PAX1: variants seen among roughly 807,000 people sequenced by gnomAD.
The protein encoded by PAX1 is paired box protein Pax-1.
PAX1 carries 18 observed loss-of-function variants against 35.6 expected under a neutral mutation model. The ratio of observed to expected loss-of-function variants is 0.50; its 90% CI spans 0.35 to 0.75. PAX1 has a LOEUF of 0.75. PAX1 is among the 30% of genes least tolerant of loss of function. PAX1 has a pLI of 0.01. For missense variants in PAX1, 760 were observed against 661.5 expected (o/e 1.15, Z -1.63); for synonymous variants, 397 against 305.2 (o/e 1.30, Z -3.14).
chr20:21,708,530 C>A (rs1393966709), intron 2 of PAX1, 28 bp from the exon 3 acceptor site: 1 of 1,612,630 alleles, frequency 6.2e-7, no homozygotes, highest in Non-Finnish European at 8.5e-7. Flanking sequence ...TCGGAGGCAC[C>A]TTTTAATCCG....
intron 4 of PAX1, among the ~76,000 whole-genome samples, chr20:21,710,895 G>A (rs1401117407): frequency 6.6e-6 from 1 of 152,148 alleles, no homozygotes; most frequent in African/African-American, 2.4e-5. Flanking sequence ...TAAACTTTAA[G>A]TTTAATTTAA....
Position 21,708,707 on chromosome 20 carries a change from A to C in PAX1, c.1059+7A>C, listed in dbSNP as rs758360564. On this transcript the variant is annotated splice_region_variant and intron_variant, in intron 3 of 4. Coordinates refer to ENST00000613128, the MANE Select transcript of PAX1 (RefSeq NM_001257096.2). ...AGACATTAAATACACTCAGGTAACC[A>C]GGAGGCACGTGAGGCCGTGACCTTA... The C allele has an allele frequency of 1.9e-6, 3 of 1,613,338 alleles. No homozygotes were observed. Among genetic ancestry groups the C allele is most frequent in the Non-Finnish European group, 2.5e-6 (3 of 1,179,858 alleles).
Position 21,708,637 on chromosome 20 carries a change from C to T in PAX1, c.996C>T (p.Pro332=), listed in dbSNP as rs761988253. 14 of 1,613,494 alleles carry T rather than the reference C, an allele frequency of 8.7e-6. No individual in the cohort carries two copies. The African/African-American group carries it at 1.1e-4, about 12-fold the overall frequency. Residue 332 remains proline, a synonymous_variant, in exon 3 of 5, where the codon CCC becomes CCT. Transcript: ENST00000613128. ...DWAGVNRTAF[P]ATPAVNGLEK... ...CCGGCGTGAACCGCACGGCCTTCCCCGCCACCCCCGCAGTGAATGGGCTAG... is the reference window on the plus strand; with the variant it reads ...CCGGCGTGAACCGCACGGCCTTCCCTGCCACCCCCGCAGTGAATGGGCTAG...
At chr20:21,709,137 T>C (rs1262376870) in intron 3 of PAX1, 85 bp from the exon 4 acceptor site, 39 of 1,059,466 alleles carry the variant, frequency 3.7e-5, no homozygotes, top group Non-Finnish European at 5.2e-5. Context: ...GGAGCGATAA[T>C]GGACGAAAAC....
In PAX1 at chr20:21,706,844, C is replaced by T. The variant is rs760119600; in HGVS notation, c.693C>T (p.Pro231=). The change falls in exon 2 of 5, where the codon CCC becomes CCT. Residue 231 remains proline (P), a synonymous_variant. Coordinates refer to ENST00000613128, the MANE Select transcript of PAX1 (RefSeq NM_001257096.2). The surrounding 1 kb of genome is among the most constrained non-coding windows in gnomAD (Gnocchi z 5.3). ...ACAAGATCGGCAGCCTGGCGCAGCCCGGACCGTACGAGGCAAGTAAGCAGC... is the reference window on the plus strand; with the variant it reads ...ACAAGATCGGCAGCCTGGCGCAGCCTGGACCGTACGAGGCAAGTAAGCAGC... ...LRNKIGSLAQ[P]GPYEASKQPP... 4 of 1,613,260 alleles carry T rather than the reference C, an allele frequency of 2.5e-6. No homozygotes were observed. The highest frequency in any genetic ancestry group is 1.3e-5 in the African/African-American group (1 of 74,950).
intron 2 of PAX1, 173 bp from the exon 3 acceptor site, chr20:21,708,385 C>T: frequency 1.2e-6 from 1 of 806,832 alleles, no homozygotes; most frequent in East Asian, 2.4e-5. Flanking sequence ...TCCTCCGCCC[C>T]ACCCGGAGTG....
In PAX1 at chr20:21,706,928, C is replaced by G; in HGVS notation, c.777C>G (p.Pro259=). Residue 259 remains proline (P), a synonymous_variant, in exon 2 of 5, where the codon CCC becomes CCG. Coordinates refer to ENST00000613128, the MANE Select transcript of PAX1 (RefSeq NM_001257096.2). This position sits in a 1 kb window ranked among gnomAD's most constrained non-coding sequence, Gnocchi z 5.3. The stretch of plus-strand genomic sequence containing the variant: ...TCTACCAGTACCCCTACCCCAGTCC[C>G]GTGTCGCCCACGGGCGCCAAGATGG... ...NHIYQYPYPS[P]VSPTGAKMGS... The G allele has an allele frequency of 1.2e-6, 2 of 1,612,790 alleles. No individual in the cohort carries two copies. The highest frequency in any genetic ancestry group is 1.7e-6 in the Non-Finnish European group (2 of 1,179,632).
In PAX1 at chr20:21,706,310, T is replaced by C. The variant is rs765782766; in HGVS notation, c.287-128T>C. The C allele has an allele frequency of 4.6e-6, 6 of 1,291,508 alleles. No individual in the cohort carries two copies. The highest frequency in any genetic ancestry group is 5.5e-6 in the Non-Finnish European group (5 of 903,814). The allele number at this position is 1,291,508 out of a possible 1,614,324, so 80.0% of individuals were successfully genotyped here. On this transcript the variant is annotated intron_variant, in intron 1 of 4. Transcript: ENST00000613128. This position sits in a 1 kb window ranked among gnomAD's most constrained non-coding sequence, Gnocchi z 5.3. ...CGGTTTGCCCTTGGACTCCGAGCTG[T>C]CTGGGGACCCACAGGTCACCTTTGG...
Position 21,706,687 on chromosome 20 carries a change from A to G in PAX1, c.536A>G (p.Lys179Arg). The G allele has an allele frequency of 3.1e-6, 5 of 1,613,260 alleles. No homozygotes were observed. The highest frequency in any genetic ancestry group is 4.2e-6 in the Non-Finnish European group (5 of 1,180,032). Residue 179 changes from lysine to arginine, a missense_variant, in exon 2 of 5, where the codon AAG (lysine) becomes AGG (arginine). Lys to Arg is a conservative substitution (Grantham distance 26, BLOSUM62 2). This residue lies in a region of PAX1 where 490 missense variants were observed against 428.4 expected (regional missense o/e 1.14). Coordinates refer to ENST00000613128, the MANE Select transcript of PAX1 (RefSeq NM_001257096.2). This position sits in a 1 kb window ranked among gnomAD's most constrained non-coding sequence, Gnocchi z 5.3. ...CGCGTCACCACTCCCAACGTGGTCA[A>G]GCACATCCGGGACTACAAGCAAGGA... Reference protein sequence around the residue: ...KPRVTTPNVVKHIRDYKQGDP... With the variant: ...KPRVTTPNVVRHIRDYKQGDP...
rs1985319198 is a variant in PAX1, at chr20:21,714,919, C to T, written c.*357C>T. On this transcript the variant is annotated 3_prime_UTR_variant, in exon 5 of 5. Coordinates refer to ENST00000613128, the MANE Select transcript of PAX1 (RefSeq NM_001257096.2). ...CTCCGTCTCGCCTCTCTCCCTGTTT[C>T]CTTCCCCCCTCTTTCTTTCTCACTC... The T allele has an allele frequency of 1.1e-5, 9 of 826,572 alleles. No individual in the cohort carries two copies. In the East Asian group the frequency reaches 2.4e-4, roughly 22 times the overall value. 51.2% of individuals were successfully genotyped at this position (826,572 alleles called of 1,614,324 possible).
rs1984957470 is a variant in PAX1 at position 21,705,799 on chromosome 20, C to A, written c.87C>A (p.Gly29=). The change falls in exon 1 of 5, where the codon GGC becomes GGA. Residue 29 remains glycine (G), a synonymous_variant. Coordinates refer to ENST00000613128, the MANE Select transcript of PAX1 (RefSeq NM_001257096.2). ...CGGCGGCGGCAGGCCCTGGAGCGGGCGGCAGCGCGCTCCGCTGCCGCGCAC... is the reference window on the plus strand; with the variant it reads ...CGGCGGCGGCAGGCCCTGGAGCGGGAGGCAGCGCGCTCCGCTGCCGCGCAC... ...AAAAAAGPGA[G]GSALRCRAQR... The A allele has an allele frequency of 7.8e-7, 1 of 1,279,228 alleles. No individual in the cohort carries two copies. Among genetic ancestry groups the A allele is most frequent in the Non-Finnish European group, 9.8e-7 (1 of 1,015,950 alleles). The allele number at this position is 1,279,228 out of a possible 1,614,324, so 79.2% of individuals were successfully genotyped here. A position where few individuals can be genotyped will look rare whatever the true frequency, so the allele number is the denominator to read the frequency against.
In PAX1 at chr20:21,706,399, T is replaced by A; in HGVS notation, c.287-39T>A. The A allele has an allele frequency of 6.2e-7, 1 of 1,608,476 alleles. No individual in the cohort carries two copies. Among genetic ancestry groups the A allele is most frequent in the Non-Finnish European group, 8.5e-7 (1 of 1,179,842 alleles). ...CCCTTGGCTAACCCGCCGGGTGTTTTCTCCCCCTCCGGCTCACTCTTGTCT... is the reference window on the plus strand; with the variant it reads ...CCCTTGGCTAACCCGCCGGGTGTTTACTCCCCCTCCGGCTCACTCTTGTCT... On this transcript the variant is annotated intron_variant, in intron 1 of 4. Coordinates refer to ENST00000613128, the MANE Select transcript of PAX1 (RefSeq NM_001257096.2). The surrounding 1 kb of genome is among the most constrained non-coding windows in gnomAD (Gnocchi z 5.3).
rs1568693855 is a variant in PAX1 at position 21,706,715 on chromosome 20, C to A, written c.564C>A (p.Asp188Glu). The A allele has an allele frequency of 6.2e-7, 1 of 1,613,634 alleles. No homozygotes were observed. The highest frequency in any genetic ancestry group is 8.5e-7 in the Non-Finnish European group (1 of 1,180,040). Reference protein sequence around the residue: ...VKHIRDYKQGDPGIFAWEIRD... With the variant: ...VKHIRDYKQGEPGIFAWEIRD... ...ACATCCGGGACTACAAGCAAGGAGA[C>A]CCTGGCATCTTTGCCTGGGAGATCC... The change falls in exon 2 of 5, where the codon GAC becomes GAA. Residue 188 changes from aspartate (D) to glutamate (E), a missense_variant. Asp to Glu is a conservative substitution (Grantham distance 45). Around this residue, in one of 3 missense-constraint regions of PAX1, gnomAD observed 490 missense variants for 428.4 expected, o/e 1.14. Transcript: ENST00000613128. The surrounding 1 kb of genome is among the most constrained non-coding windows in gnomAD (Gnocchi z 5.3).
Position 21,705,926 on chromosome 20 carries a change from G to T in PAX1, c.214G>T (p.Asp72Tyr). 6.8e-7 allele frequency: 1 copy of T among 1,467,720 alleles called. No homozygotes were observed. The allele number at this position is 1,467,720 out of a possible 1,614,324, so 90.9% of individuals were successfully genotyped here. A position where few individuals can be genotyped will look rare whatever the true frequency, so the allele number is the denominator to read the frequency against. The part of the protein sequence containing the change: ...RGGGGAQALP[D>Y]CAGPSPGHPG... ...CGGCGGCGGCGCCCAAGCTCTCCCG[G>T]ACTGCGCCGGGCCCAGCCCCGGCCA... Residue 72 changes from aspartate (D) to tyrosine (Y), a missense_variant, in exon 1 of 5, where the codon GAC (aspartate) becomes TAC (tyrosine). By Grantham distance (160) the Asp-to-Tyr change is radical (BLOSUM62 -3). Transcript: ENST00000613128.
At position 21,705,838 on chromosome 20, in the gene PAX1, C is replaced by A; in HGVS notation, c.126C>A (p.Ser42Arg). The A allele has an allele frequency of 7.3e-7, 1 of 1,365,554 alleles. No homozygotes were observed. The highest frequency in any genetic ancestry group is 2.9e-5 in the Admixed American group (1 of 34,742). The allele number at this position is 1,365,554 out of a possible 1,614,324, so 84.6% of individuals were successfully genotyped here. A position where few individuals can be genotyped will look rare whatever the true frequency, so the allele number is the denominator to read the frequency against. The change falls in exon 1 of 5, where the codon AGC (serine) becomes AGA (arginine). Residue 42 changes from serine to arginine, a missense_variant. Ser to Arg is a moderately radical substitution (Grantham distance 110, BLOSUM62 -1). This residue lies in a region of PAX1 where 222 missense variants were observed against 153.0 expected (regional missense o/e 1.45). Transcript: ENST00000613128. ...ALRCRAQRVS[S>R]PRLGRRGSRL... ...GCTGCCGCGCACAGCGCGTCTCCAG[C>A]CCGCGGCTGGGCCGCCGCGGCTCTC...
In PAX1 at chr20:21,716,916, T is replaced by A. The variant is rs1985388393; in HGVS notation, c.*2354T>A. 6.6e-6 allele frequency: 1 copy of A among 152,202 alleles called. No individual in the cohort carries two copies. Among genetic ancestry groups the A allele is most frequent in the Admixed American group, 6.5e-5 (1 of 15,280 alleles). 9.4% of individuals were successfully genotyped at this position (152,202 alleles called of 1,614,324 possible). A position where few individuals can be genotyped will look rare whatever the true frequency, so the allele number is the denominator to read the frequency against. On this transcript the variant is annotated 3_prime_UTR_variant, in exon 5 of 5. Coordinates refer to ENST00000613128, the MANE Select transcript of PAX1 (RefSeq NM_001257096.2). ...CTCAGGCCAGGAGGAAGACATCACATCCCTTTCTGAAGGAATGAGAAGAAT... is the reference window on the plus strand; with the variant it reads ...CTCAGGCCAGGAGGAAGACATCACAACCCTTTCTGAAGGAATGAGAAGAAT...
At position 21,718,435 on chromosome 20, in the gene PAX1, A is replaced by C. The variant is rs1285924620; in HGVS notation, c.*3873A>C. On this transcript the variant is annotated 3_prime_UTR_variant, in exon 5 of 5. Coordinates refer to ENST00000613128, the MANE Select transcript of PAX1 (RefSeq NM_001257096.2). Reference sequence around the variant, plus strand: ...CATGGAGGCAGAGGGGTGCGGGAAAACCTTGTGTGAAGAAATACTGGCTAC... The same window carrying C: ...CATGGAGGCAGAGGGGTGCGGGAAACCCTTGTGTGAAGAAATACTGGCTAC... 6.6e-6 allele frequency: 1 copy of C among 152,038 alleles called. No individual in the cohort carries two copies. Among genetic ancestry groups the C allele is most frequent in the Non-Finnish European group, 1.5e-5 (1 of 68,016 alleles). 9.4% of individuals were successfully genotyped at this position (152,038 alleles called of 1,614,324 possible).
chr20:21,707,041 G>A lies in PAX1; in HGVS notation c.890G>A (p.Gly297Asp), dbSNP rs147752664. 4.0e-5 allele frequency: 64 copies of A among 1,613,076 alleles called. No individual in the cohort carries two copies. The African/African-American group carries it at 6.0e-4, about 15-fold the overall frequency. Reference protein sequence around the residue: ...PSAHSVSNILGIRTFMEQTGA... With the variant: ...PSAHSVSNILDIRTFMEQTGA... ...GCACACTCGGTCAGCAACATCCTGG[G>A]CATCCGGACGTTTATGGAGCAAACA... The change falls in exon 2 of 5, where the codon GGC becomes GAC. Residue 297 changes from glycine (G) to aspartate (D), a missense_variant. Around this residue, in one of 3 missense-constraint regions of PAX1, gnomAD observed 490 missense variants for 428.4 expected, o/e 1.14. Coordinates refer to ENST00000613128, the MANE Select transcript of PAX1 (RefSeq NM_001257096.2).
rs780254769 is a variant in PAX1, at chr20:21,706,972, C to A, written c.821C>A (p.Pro274Gln). 6.2e-7 allele frequency: 1 copy of A among 1,612,556 alleles called. No individual in the cohort carries two copies. ...GAKMGSHPGV[P>Q]GTAGHVSIPR... ...AAGATGGGCAGCCACCCCGGGGTCCCGGGCACGGCGGGCCACGTCAGCATC... is the reference window on the plus strand; with the variant it reads ...AAGATGGGCAGCCACCCCGGGGTCCAGGGCACGGCGGGCCACGTCAGCATC... The change falls in exon 2 of 5, where the codon CCG (proline) becomes CAG (glutamine). Residue 274 changes from proline (P) to glutamine (Q), a missense_variant. Physicochemically the swap from Pro to Gln is moderately conservative, Grantham distance 76. Coordinates refer to ENST00000613128, the MANE Select transcript of PAX1 (RefSeq NM_001257096.2). This position sits in a 1 kb window ranked among gnomAD's most constrained non-coding sequence, Gnocchi z 5.3.
Sources: gnomAD v4.1 joint callset for allele counts (sites outside exome capture counted in the v4.1 genomes callset) on GRCh38, gnomAD v4.1.1 for gene constraint, gnomAD v4.1.1 regional missense constraint, Gnocchi (gnomAD v3.1) non-coding constraint, MANE v1.5 for transcripts, NCBI Gene and HGNC (gene_info 2026-07-23, HGNC 2026-07-21) for gene names.